NR3C2: variants seen among roughly 807,000 people sequenced by gnomAD.
NR3C2 encodes the protein mineralocorticoid receptor.
A neutral mutation model predicts 86.4 loss-of-function variants in NR3C2; 15 were observed. That is an observed-to-expected ratio of 0.17 (90% CI 0.12 to 0.27). The LOEUF (loss-of-function observed/expected upper bound fraction) is 0.27, where lower values mean the gene tolerates loss of function less well. NR3C2 is among the 10% of genes least tolerant of loss of function. The probability of loss-of-function intolerance (pLI) is 1.00; values close to 1 mark genes in which losing one functional copy is unlikely to be tolerated. For missense variants in NR3C2, 960 were observed against 1,195.6 expected (o/e 0.80, Z 2.91); for synonymous variants, 458 against 450.5 (o/e 1.02, Z -0.21).
chr4:148,261,304 T>C (rs1579078138), intron 2 of NR3C2, among the ~76,000 whole-genome samples: 1 of 138,400 alleles, frequency 7.2e-6, no homozygotes, highest in East Asian at 2.3e-4. Context: ...AGTGCTATGG[T>C]GCGCTATGGT....
chr4:148,101,451 AC>A (rs1456589703), intron 8 of NR3C2, among the ~76,000 whole-genome samples: 1 of 152,226 alleles, frequency 6.6e-6, no homozygotes, highest in Non-Finnish European at 1.5e-5. Context: ...GTGGAAATGA[AC>A]AATCATAATT....
chr4:148,384,265 C>T (rs938471887), intron 2 of NR3C2, among the ~76,000 whole-genome samples: 7 of 151,872 alleles, frequency 4.6e-5, no homozygotes, highest in African/African-American at 1.5e-4. Flanking sequence ...TGATAATTTT[C>T]AAATTATCAA....
At chr4:148,442,917 C>T (rs999804560), upstream of NR3C2, 1 of 985,182 alleles carries the variant, frequency 1.0e-6, no homozygotes, top group African/African-American at 1.7e-5. Flanking sequence ...GGTTTTTCCG[C>T]GAGCAAAGTG....
At chr4:148,291,395 T>C (rs374943227) in intron 2 of NR3C2, among the ~76,000 whole-genome samples, 2 of 152,136 alleles carry the variant, frequency 1.3e-5, no homozygotes, top group African/African-American at 4.8e-5. Flanking sequence ...ACTTACGTTT[T>C]AGTCAATGAA....
chr4:148,194,545 A>G (rs1736351720), intron 4 of NR3C2, among the ~76,000 whole-genome samples: 1 of 152,218 alleles, frequency 6.6e-6, no homozygotes, highest in Admixed American at 6.5e-5. Flanking sequence ...CTAGAACTAT[A>G]GCCATAAAAC....
chr4:148,138,859 G>T (rs915822947), intron 6 of NR3C2, among the ~76,000 whole-genome samples: 14 of 152,216 alleles, frequency 9.2e-5, no homozygotes, highest in Non-Finnish European at 1.5e-5. Context: ...ATGGATTCAT[G>T]TTCTGATAGG....
chr4:148,420,164 C>A (rs1749211725), intron 2 of NR3C2, among the ~76,000 whole-genome samples: 1 of 152,114 alleles, frequency 6.6e-6, no homozygotes, highest in Non-Finnish European at 1.5e-5. Context: ...TCCTTTTAAC[C>A]TGAACAACGA....
chr4:148,127,282 A>T (rs1732797434), intron 6 of NR3C2, among the ~76,000 whole-genome samples: 2 of 152,202 alleles, frequency 1.3e-5, no homozygotes, highest in South Asian at 4.1e-4. Flanking sequence ...ATGTACATGC[A>T]AGGAAGTTGA....
At chr4:148,245,673 C>T (rs1319488572) in intron 3 of NR3C2, among the ~76,000 whole-genome samples, 1 of 151,946 alleles carries the variant, frequency 6.6e-6, no homozygotes, top group Non-Finnish European at 1.5e-5. Flanking sequence ...CTAAACTGAA[C>T]CTAGGAAATG....
intron 3 of NR3C2, among the ~76,000 whole-genome samples, chr4:148,215,670 T>A (rs940040314): frequency 6.6e-6 from 1 of 152,336 alleles, no homozygotes; most frequent in Non-Finnish European, 1.5e-5. Context: ...CTCATTCTTT[T>A]GTCCATTTGA....
chr4:148,161,922 G>A (rs1466330856), intron 4 of NR3C2, among the ~76,000 whole-genome samples: 1 of 152,168 alleles, frequency 6.6e-6, no homozygotes, highest in Non-Finnish European at 1.5e-5. Flanking sequence ...AAAGACAATG[G>A]CAGAGAGAAG....
At chr4:148,333,184 C>T (rs1463962231) in intron 2 of NR3C2, among the ~76,000 whole-genome samples, 2 of 152,016 alleles carry the variant, frequency 1.3e-5, no homozygotes, top group Non-Finnish European at 2.9e-5. Flanking sequence ...GGTGGGAAAA[C>T]TGCTTGAACC....
intron 4 of NR3C2, among the ~76,000 whole-genome samples, chr4:148,189,222 C>T (rs1736082598): frequency 6.6e-6 from 1 of 152,100 alleles, no homozygotes; most frequent in African/African-American, 2.4e-5. Flanking sequence ...AGCCAGTATG[C>T]CCAGCTGGGA....
intron 4 of NR3C2, among the ~76,000 whole-genome samples, chr4:148,161,756 GT>G (rs1734672619): frequency 6.6e-6 from 1 of 152,078 alleles, no homozygotes; most frequent in Non-Finnish European, 1.5e-5. Flanking sequence ...GAAGTACCCA[GT>G]TTGTGAGCAA....
chr4:148,104,034 C>T (rs771714019), intron 8 of NR3C2, among the ~76,000 whole-genome samples: 10 of 152,110 alleles, frequency 6.6e-5, no homozygotes, highest in Non-Finnish European at 1.2e-4. Flanking sequence ...AATAAGCATC[C>T]ATTGGCACAA....
chr4:148,374,490 A>T (rs760780635), intron 2 of NR3C2, among the ~76,000 whole-genome samples: 1 of 152,178 alleles, frequency 6.6e-6, no homozygotes, highest in Non-Finnish European at 1.5e-5. Context: ...CTTGCCTCTT[A>T]ACTCCCAGCT....
At chr4:148,258,276 T>G (rs916951284) in intron 3 of NR3C2, among the ~76,000 whole-genome samples, 2 of 152,192 alleles carry the variant, frequency 1.3e-5, no homozygotes, top group Non-Finnish European at 2.9e-5. Flanking sequence ...CAAAGTGGCC[T>G]TAGAAAGATG....
intron 2 of NR3C2, among the ~76,000 whole-genome samples, chr4:148,275,426 T>C (rs1431662835): frequency 6.6e-6 from 1 of 152,052 alleles, no homozygotes; most frequent in East Asian, 1.9e-4. Flanking sequence ...AAGCCAATCT[T>C]ATCTTATCTT....
chr4:148,406,091 A>G (rs577306047), intron 2 of NR3C2, among the ~76,000 whole-genome samples: 2 of 152,288 alleles, frequency 1.3e-5, no homozygotes, highest in Admixed American at 1.3e-4. Flanking sequence ...GCTTGAGCCC[A>G]GGAGACTGAG....
Sources: gnomAD v4.1 joint callset for allele counts (sites outside exome capture counted in the v4.1 genomes callset) on GRCh38, gnomAD v4.1.1 for gene constraint, MANE v1.5 for transcripts, NCBI Gene and HGNC (gene_info 2026-07-23, HGNC 2026-07-21) for gene names.